The following NALCN variants were observed in gnomAD, a reference collection of about 807,000 sequenced individuals.
The protein encoded by NALCN is sodium leak channel NALCN.
A neutral mutation model predicts 225.3 loss-of-function variants in NALCN; 111 were observed. The ratio of observed to expected loss-of-function variants is 0.49; its 90% confidence interval spans 0.42 to 0.58. The LOEUF (loss-of-function observed/expected upper bound fraction) is 0.58. Ranked by LOEUF, NALCN falls within the 20% of genes least tolerant of loss-of-function variation. The pLI is 0.00. For synonymous variants in NALCN, 764 were observed against 769.0 expected (o/e 0.99, Z 0.11); for missense variants, 1,378 against 2,202.4 (o/e 0.63, Z 7.49).
chr13:101,362,691 G>A (rs73566983), intron 6 of NALCN, among the ~76,000 whole-genome samples: 7,373 of 152,024 alleles, frequency 0.048, 221 homozygotes, highest in Admixed American at 0.081. Flanking sequence ...AGATCAGGAC[G>A]CCCATTTTCA....
chr13:101,292,353 GA>G lies in NALCN; in HGVS notation c.812del (p.Phe271SerfsTer43). Reference sequence around the variant, plus strand: ...CCTGTGAGGCGGCCTCATAGACGGTGAATATACTAGTTCCTGTCATGACAGA... The same window carrying G: ...CCTGTGAGGCGGCCTCATAGACGGTGATATACTAGTTCCTGTCATGACAGA... ...SGFNEIGTSI[F>X]TVYEAASQEG... On this transcript the variant is annotated frameshift_variant, in exon 8 of 44. Coordinates refer to ENST00000251127, the MANE Select transcript of NALCN (RefSeq NM_052867.4). LOFTEE classifies it high-confidence loss of function. This position sits in a 1 kb window ranked among gnomAD's most constrained non-coding sequence, Gnocchi z 4.3. 1 of 1,614,018 alleles carries G rather than the reference GA, an allele frequency of 6.2e-7. No homozygotes were observed. Among genetic ancestry groups the G allele is most frequent in the Non-Finnish European group, 8.5e-7 (1 of 1,179,990 alleles).
chr13:101,354,359 A>T lies in NALCN; in HGVS notation c.645-8939T>A, dbSNP rs1353575436. Among the ~76,000 whole-genome samples the T allele has an allele frequency of 1.3e-5, 2 of 152,188 alleles. 1 individual carries two copies. Among genetic ancestry groups the T allele is most frequent in the Admixed American group, 1.3e-4 (2 of 15,268 alleles). ...TTCCACCTCAAAAAGAAAAGAAAAGAAAAGTTAAGCATCAGGACACAGAGG... is the reference window on the plus strand; with the variant it reads ...TTCCACCTCAAAAAGAAAAGAAAAGTAAAGTTAAGCATCAGGACACAGAGG... On this transcript the variant is annotated intron_variant, in intron 6 of 43. Transcript: ENST00000251127.
intron 13 of NALCN, among the ~76,000 whole-genome samples, chr13:101,220,272 A>G (rs2040886767): frequency 6.6e-6 from 1 of 152,192 alleles, no homozygotes; most frequent in Non-Finnish European, 1.5e-5. Context: ...TAATTAACCA[A>G]CCTACCTTAA....
chr13:101,174,488 C>A (rs902249566), intron 15 of NALCN, among the ~76,000 whole-genome samples: 3 of 152,104 alleles, frequency 2.0e-5, no homozygotes, highest in Admixed American at 1.3e-4. Flanking sequence ...AAAGTCCTGA[C>A]TTTTTATTGT....
intron 18 of NALCN, among the ~76,000 whole-genome samples, chr13:101,114,741 A>C (rs2035621992): frequency 6.6e-6 from 1 of 152,136 alleles, no homozygotes; most frequent in Admixed American, 6.5e-5. Flanking sequence ...AAATCACTTA[A>C]GTTTTGGAGT....
At chr13:101,328,877 G>T (rs1310470108) in intron 7 of NALCN, among the ~76,000 whole-genome samples, 1 of 152,034 alleles carries the variant, frequency 6.6e-6, no homozygotes, top group Non-Finnish European at 1.5e-5. Flanking sequence ...CTTTTATCTG[G>T]ATAGGACCAT....
At chr13:101,302,570 T>C (rs1043746285) in intron 7 of NALCN, among the ~76,000 whole-genome samples, 3 of 152,188 alleles carry the variant, frequency 2.0e-5, no homozygotes, top group Non-Finnish European at 2.9e-5. Context: ...AAGTTCTTAT[T>C]TGTATTACGA....
intron 6 of NALCN, among the ~76,000 whole-genome samples, chr13:101,346,107 A>ATG (rs2045727723): frequency 7.2e-6 from 1 of 138,356 alleles, no homozygotes. Flanking sequence ...ATATATATAT[A>ATG]TATATGATGT....
intron 30 of NALCN, among the ~76,000 whole-genome samples, chr13:101,085,372 AC>A (rs2033879036): frequency 6.6e-6 from 1 of 152,122 alleles, no homozygotes; most frequent in Admixed American, 6.6e-5. Flanking sequence ...AGGGCAAAAA[AC>A]AAATGCTTAC....
intron 13 of NALCN, among the ~76,000 whole-genome samples, chr13:101,206,343 C>G (rs557716250): frequency 3.9e-5 from 6 of 151,974 alleles, no homozygotes; most frequent in Non-Finnish European, 8.8e-5. Flanking sequence ...ATATAAATTT[C>G]AAAGCCACAC....
intron 7 of NALCN, among the ~76,000 whole-genome samples, chr13:101,304,543 G>T (rs990669094): frequency 2.0e-5 from 3 of 151,658 alleles, no homozygotes; most frequent in South Asian, 2.1e-4. Context: ...TTCAATCTCC[G>T]CCTGGGATTA....
intron 15 of NALCN, among the ~76,000 whole-genome samples, chr13:101,154,688 C>A (rs962623608): frequency 3.9e-5 from 6 of 152,150 alleles, no homozygotes; most frequent in African/African-American, 1.4e-4. Flanking sequence ...GAGATGAGAA[C>A]AAGAAGGCAA....
At chr13:101,253,331 T>C (rs2042117335) in intron 11 of NALCN, among the ~76,000 whole-genome samples, 1 of 152,204 alleles carries the variant, frequency 6.6e-6, no homozygotes, top group South Asian at 2.1e-4. Context: ...ATGGGTAAAG[T>C]GCTTTATTTT....
intron 7 of NALCN, among the ~76,000 whole-genome samples, chr13:101,309,245 T>C (rs1376878702): frequency 6.6e-6 from 1 of 152,064 alleles, no homozygotes; most frequent in Non-Finnish European, 1.5e-5. Flanking sequence ...CACACACAAT[T>C]CAACATTACT....
At chr13:101,247,487 C>T (rs2041932418) in intron 11 of NALCN, among the ~76,000 whole-genome samples, 1 of 151,862 alleles carries the variant, frequency 6.6e-6, no homozygotes, top group Admixed American at 6.6e-5. Context: ...GAAAATCTCC[C>T]AAGCCAAATG....
intron 7 of NALCN, among the ~76,000 whole-genome samples, chr13:101,301,457 T>C (rs1594634330): frequency 6.6e-6 from 1 of 152,198 alleles, no homozygotes; most frequent in Non-Finnish European, 1.5e-5. Flanking sequence ...GCGCAGTGGC[T>C]CATGCCTGTA....
chr13:101,310,014 C>T lies in NALCN; in HGVS notation c.800-17648G>A, dbSNP rs148906907. On this transcript the variant is annotated intron_variant, in intron 7 of 43. Coordinates refer to ENST00000251127, the MANE Select transcript of NALCN (RefSeq NM_052867.4). Reference sequence around the variant, plus strand: ...TGATCTTTTCCTTTTAACACACAGCCAATCTCTTAGTAAATCCCATAAAGT... The same window carrying T: ...TGATCTTTTCCTTTTAACACACAGCTAATCTCTTAGTAAATCCCATAAAGT... Among the ~76,000 whole-genome samples the T allele has an allele frequency of 9.0e-3, 1,375 of 152,232 alleles. 15 individuals carry two copies. The highest frequency in any genetic ancestry group is 0.048 in the South Asian group (231 of 4,818).
chr13:101,417,055 G>A (rs1001892950), upstream of NALCN, among the ~76,000 whole-genome samples: 1 of 152,174 alleles, frequency 6.6e-6, no homozygotes, highest in Non-Finnish European at 1.5e-5. Flanking sequence ...ATGTTGTCGT[G>A]TGGATGAGAC....
At chr13:101,125,509 G>T (rs553247120) in intron 17 of NALCN, among the ~76,000 whole-genome samples, 4 of 152,288 alleles carry the variant, frequency 2.6e-5, no homozygotes, top group African/African-American at 9.6e-5. Flanking sequence ...CATGATATTA[G>T]TGACCATAGG....
Sources: gnomAD v4.1 joint callset for allele counts (sites outside exome capture counted in the v4.1 genomes callset) on GRCh38, gnomAD v4.1.1 for gene constraint, Gnocchi (gnomAD v3.1) non-coding constraint, MANE v1.5 for transcripts, NCBI Gene and HGNC (gene_info 2026-07-23, HGNC 2026-07-21) for gene names.